The following HORMAD1 variants were observed in gnomAD, a reference collection of about 807,000 sequenced individuals.
HORMAD1 encodes HORMA domain containing 1.
HORMAD1 carries 33 observed loss-of-function variants against 58.2 expected under a neutral mutation model. That is an observed-to-expected ratio of 0.57 (90% CI 0.43 to 0.76). The LOEUF is 0.76. HORMAD1 is among the 30% of genes least tolerant of loss of function. The pLI is 0.00. For synonymous variants in HORMAD1, 137 were observed against 144.6 expected (o/e 0.95, Z 0.38); for missense variants, 363 against 462.0 (o/e 0.79, Z 1.96).
chr1:150,706,854 AAAAT>A, intron 9 of HORMAD1, 45 bp from the exon 10 acceptor site: 1 of 1,477,048 alleles, frequency 6.8e-7, no homozygotes, highest in South Asian at 1.4e-5. Flanking sequence ...GAAATTAAAG[AAAAT>A]ATAATTATTA....
intron 9 of HORMAD1, among the ~76,000 whole-genome samples, chr1:150,707,055 T>C (rs970498070): frequency 3.3e-5 from 5 of 152,188 alleles, no homozygotes; most frequent in African/African-American, 1.2e-4. Flanking sequence ...GATTTTCTCA[T>C]CTGTCAAATG....
At chr1:150,710,461 T>C (rs1318079136) in intron 7 of HORMAD1, among the ~76,000 whole-genome samples, 4 of 152,232 alleles carry the variant, frequency 2.6e-5, no homozygotes, top group Non-Finnish European at 5.9e-5. Flanking sequence ...ATAAAGTACC[T>C]GACATATAGT....
intron 14 of HORMAD1, 169 bp from the exon 15 acceptor site, chr1:150,698,903 T>C: frequency 2.1e-6 from 1 of 473,730 alleles, no homozygotes; most frequent in Non-Finnish European, 3.8e-6. Flanking sequence ...AATTTATTAT[T>C]AACATCTTCC....
chr1:150,713,673 T>C lies in HORMAD1; in HGVS notation c.279+412A>G, dbSNP rs587616592. ...CCTTCTTAATTTTGCTAATTCAGAA[T>C]TTGTGACAATTTAACCTAGATTATG... is the stretch of plus-strand genomic sequence containing the variant. On this transcript the variant is annotated intron_variant, in intron 5 of 14. Transcript: ENST00000361824. 9.6e-5 allele frequency: 16 copies of C among 165,818 alleles called. No homozygotes were observed. In the South Asian group the frequency reaches 2.2e-3, roughly 23 times the overall value. The allele number at this position is 165,818 out of a possible 1,614,324, so 10.3% of individuals were successfully genotyped here. A position where few individuals can be genotyped will look rare whatever the true frequency, so the allele number is the denominator to read the frequency against.
intron 2 of HORMAD1, among the ~76,000 whole-genome samples, chr1:150,718,779 C>T (rs1341973562): frequency 6.6e-6 from 1 of 152,052 alleles, no homozygotes; most frequent in African/African-American, 2.4e-5. Context: ...CGTGAGCCAC[C>T]GTGCCCGGCC....
chr1:150,718,193 T>C (rs1652145886), intron 2 of HORMAD1, among the ~76,000 whole-genome samples: 3 of 152,178 alleles, frequency 2.0e-5, no homozygotes, highest in Admixed American at 2.0e-4. Context: ...CCATACCAAT[T>C]AGCAATCACT....
intron 3 of HORMAD1, among the ~76,000 whole-genome samples, chr1:150,715,399 G>C (rs1387097795): frequency 6.6e-6 from 1 of 152,140 alleles, no homozygotes; most frequent in African/African-American, 2.4e-5. Flanking sequence ...AAAAGACTGA[G>C]AGTCTCTCAT....
chr1:150,703,395 T>C lies in HORMAD1; in HGVS notation c.949-2A>G, dbSNP rs764980600. ...TGTTTTATTGACTAACTGCTCAACC[T>C]AAAAAAGAAAATAATTACAAAAAAT... On this transcript the variant is annotated splice_acceptor_variant, in intron 12 of 14. Coordinates refer to ENST00000361824, the MANE Select transcript of HORMAD1 (RefSeq NM_032132.5). LOFTEE classifies it high-confidence loss of function. 1.3e-6 allele frequency: 2 copies of C among 1,501,244 alleles called. No individual in the cohort carries two copies. Among genetic ancestry groups the C allele is most frequent in the Non-Finnish European group, 9.1e-7 (1 of 1,095,728 alleles). 93.0% of individuals were successfully genotyped at this position (1,501,244 alleles called of 1,614,324 possible).
chr1:150,703,905 T>C (rs767890294), intron 12 of HORMAD1, among the ~76,000 whole-genome samples: 10 of 152,278 alleles, frequency 6.6e-5, no homozygotes, highest in African/African-American at 1.9e-4. Context: ...ATTCTACCAA[T>C]AGTATTTAGG....
At chr1:150,709,696 G>A (rs1017255650) in intron 7 of HORMAD1, among the ~76,000 whole-genome samples, 1 of 151,978 alleles carries the variant, frequency 6.6e-6, no homozygotes, top group African/African-American at 2.4e-5. Flanking sequence ...TGAGATAGAG[G>A]AAGGCCACTG....
intron 9 of HORMAD1, among the ~76,000 whole-genome samples, chr1:150,707,136 G>A (rs1176882282): frequency 5.9e-5 from 9 of 152,196 alleles, no homozygotes; most frequent in Admixed American, 5.9e-4. Context: ...ATGTTGAGAA[G>A]AGAACTGGCA....
At chr1:150,716,994 A>C in intron 3 of HORMAD1, 144 bp downstream of exon 3, 1 of 466,470 alleles carries the variant, frequency 2.1e-6, no homozygotes, top group Non-Finnish European at 3.7e-6. Context: ...TGTACACTTT[A>C]AACAAGTGAA....
rs751957461 is a variant in HORMAD1 at position 150,706,694 on chromosome 1, G to C, written c.663C>G (p.Ile221Met). Reference protein sequence around the residue: ...NVGEVSTPFHIFKVKVTTERE... With the variant: ...NVGEVSTPFHMFKVKVTTERE... ...TCTCAGTGGTCACTTTTACTTTGAA[G>C]ATGTGAAAAGGTGTTGAGACTTCTC... The change falls in exon 10 of 15, where the codon ATC becomes ATG. Residue 221 changes from isoleucine (I) to methionine (M), a missense_variant. Around this residue, in one of 3 missense-constraint regions of HORMAD1, gnomAD observed 226 missense variants for 257.8 expected, o/e 0.88. Transcript: ENST00000361824. 6.5e-5 allele frequency: 105 copies of C among 1,613,582 alleles called. 3 individuals are homozygous for C. In the South Asian group the frequency reaches 1.1e-3, roughly 17 times the overall value.
intron 13 of HORMAD1, among the ~76,000 whole-genome samples, chr1:150,702,811 T>C (rs918592338): frequency 1.3e-5 from 2 of 152,112 alleles, no homozygotes; most frequent in African/African-American, 4.8e-5. Context: ...ACCTAGGTAA[T>C]AGATTGATAG....
At chr1:150,703,975 G>A (rs1014266992) in intron 12 of HORMAD1, 143 bp downstream of exon 12, 6 of 582,274 alleles carry the variant, frequency 1.0e-5, no homozygotes, top group Non-Finnish European at 1.8e-5. Flanking sequence ...ATAATTTCCA[G>A]ATTTAGTTAA....
rs1207291421 is a variant in HORMAD1 at position 150,720,081 on chromosome 1, A to AT, written c.-33-544dup. On this transcript the variant is annotated intron_variant, in intron 1 of 14. Coordinates refer to ENST00000361824, the MANE Select transcript of HORMAD1 (RefSeq NM_032132.5). The stretch of plus-strand genomic sequence containing the variant: ...GGTGCCCACCATATATATATATACA[A>AT]TTTTTTTTTTCGAGACGGTGTCTCT... 2.6e-4 allele frequency among the ~76,000 whole-genome samples: 20 copies of AT among 75,472 alleles called. No homozygotes were observed. In the East Asian group the frequency reaches 3.0e-3, roughly 11 times the overall value. 49.5% of individuals were successfully genotyped at this position (75,472 alleles called of 152,430 possible). A position where few individuals can be genotyped will look rare whatever the true frequency, so the allele number is the denominator to read the frequency against.
chr1:150,704,332 G>T lies in HORMAD1; in HGVS notation c.816C>A (p.Asp272Glu). The change falls in exon 11 of 15, where the codon GAC (aspartate) becomes GAA (glutamate). Residue 272 changes from aspartate to glutamate, a missense_variant. By Grantham distance (45) the Asp-to-Glu change is conservative. Transcript: ENST00000361824. ...EQEHYTSDDL[D>E]IETKMEEQEK... ...CCTGTTCTTCCATTTTAGTTTCAAT[G>T]TCCAAATCATCCTACATAATTATGT... The T allele has an allele frequency of 6.4e-7, 1 of 1,574,292 alleles. No homozygotes were observed. Among genetic ancestry groups the T allele is most frequent in the Non-Finnish European group, 8.6e-7 (1 of 1,160,474 alleles).
At chr1:150,705,071 A>T (rs1651653125) in intron 10 of HORMAD1, among the ~76,000 whole-genome samples, 1 of 152,068 alleles carries the variant, frequency 6.6e-6, no homozygotes, top group Non-Finnish European at 1.5e-5. Context: ...AAACAAAACA[A>T]ACAAACCAGA....
chr1:150,709,028 G>T, intron 7 of HORMAD1, 67 bp from the exon 8 acceptor site: 1 of 785,928 alleles, frequency 1.3e-6, no homozygotes, highest in Non-Finnish European at 2.3e-6. Flanking sequence ...GCTATATTCT[G>T]TTTTGTATGA....
Sources: gnomAD v4.1 joint callset for allele counts (sites outside exome capture counted in the v4.1 genomes callset) on GRCh38, gnomAD v4.1.1 for gene constraint, gnomAD v4.1.1 regional missense constraint, MANE v1.5 for transcripts, NCBI Gene and HGNC (gene_info 2026-07-23, HGNC 2026-07-21) for gene names.